PTPRR: variants seen among roughly 807,000 people sequenced by gnomAD.
PTPRR encodes the protein receptor-type tyrosine-protein phosphatase R.
In PTPRR, 38 loss-of-function variants were observed where a neutral mutation model predicts 77.2. The observed-to-expected ratio is 0.49, with a 90% confidence interval of 0.38 to 0.65. The LOEUF is 0.65. PTPRR is among the 30% of genes least tolerant of loss of function. The pLI is 0.00. For synonymous variants in PTPRR, 299 were observed against 283.1 expected, an observed-to-expected ratio of 1.06 and a Z score of -0.57; for missense variants, 744 against 799.2, an observed-to-expected ratio of 0.93 and a Z score of 0.83.
chr12:70,711,181 C>T (rs1592695424), intron 6 of PTPRR, among the ~76,000 whole-genome samples: 1 of 152,120 alleles, frequency 6.6e-6, no homozygotes. Flanking sequence ...AAATGTGCTA[C>T]ATATACACCA....
chr12:70,747,451 CAT>C (rs1433510423), intron 5 of PTPRR, among the ~76,000 whole-genome samples: 1 of 152,112 alleles, frequency 6.6e-6, no homozygotes, highest in African/African-American at 2.4e-5. Flanking sequence ...ATATAATATG[CAT>C]ATGAGAACAT....
intron 10 of PTPRR, among the ~76,000 whole-genome samples, chr12:70,670,265 G>T (rs1168400377): frequency 1.3e-5 from 2 of 152,142 alleles, no homozygotes; most frequent in Non-Finnish European, 2.9e-5. Context: ...GGGTCTTATT[G>T]CTCTTTGGGA....
chr12:70,796,012 C>T (rs932702377), intron 2 of PTPRR, among the ~76,000 whole-genome samples: 1 of 133,230 alleles, frequency 7.5e-6, no homozygotes, highest in Non-Finnish European at 1.5e-5. Flanking sequence ...CAACTTCTGC[C>T]TCCAGGGTTC....
chr12:70,885,080 A>G (rs1893216058), intron 2 of PTPRR, among the ~76,000 whole-genome samples: 1 of 152,044 alleles, frequency 6.6e-6, no homozygotes, highest in Admixed American at 6.6e-5. Flanking sequence ...TGAAACGTAC[A>G]TAATTTGCCC....
chr12:70,813,157 A>G (rs1338534533), intron 2 of PTPRR, among the ~76,000 whole-genome samples: 1 of 152,206 alleles, frequency 6.6e-6, no homozygotes, highest in Non-Finnish European at 1.5e-5. Context: ...CTTTTTGCCC[A>G]AGCACATACA....
intron 2 of PTPRR, among the ~76,000 whole-genome samples, chr12:70,830,831 G>C (rs558466167): frequency 8.6e-4 from 131 of 152,248 alleles, no homozygotes; most frequent in African/African-American, 3.1e-3. Flanking sequence ...TGAAATTGTT[G>C]AATCAAAGCA....
intron 12 of PTPRR, among the ~76,000 whole-genome samples, chr12:70,657,665 A>T (rs1886635406): frequency 2.6e-5 from 4 of 152,214 alleles, no homozygotes; most frequent in Admixed American, 2.6e-4. Flanking sequence ...CAATGTATCT[A>T]AATTCAATGT....
intron 5 of PTPRR, among the ~76,000 whole-genome samples, chr12:70,752,284 T>C (rs935225801): frequency 8.5e-5 from 13 of 152,180 alleles, no homozygotes; most frequent in African/African-American, 2.9e-4. Flanking sequence ...GCTAACCCAA[T>C]AGAGAGCAAT....
chr12:70,727,956 C>T (rs1350813647), intron 6 of PTPRR, among the ~76,000 whole-genome samples: 3 of 152,100 alleles, frequency 2.0e-5, no homozygotes, highest in Non-Finnish European at 4.4e-5. Context: ...GTCTAATAAT[C>T]AAAACAAGTG....
At position 70,788,668 on chromosome 12, in the gene PTPRR, A is replaced by G. The variant is rs76922591; in HGVS notation, c.358-23890T>C. The G allele has an allele frequency of 3.3e-3, 2,203 of 659,034 alleles. 34 individuals are homozygous for G. The highest frequency in any genetic ancestry group is 0.028 in the East Asian group (978 of 34,834). 40.8% of individuals were successfully genotyped at this position (659,034 alleles called of 1,614,324 possible). Reference sequence around the variant, plus strand: ...TTAATTTCAGACTTTTAGGCTAAAGATATTTCCCTAGATATCACATAAGTT... The same window carrying G: ...TTAATTTCAGACTTTTAGGCTAAAGGTATTTCCCTAGATATCACATAAGTT... On this transcript the variant is annotated intron_variant, in intron 2 of 13. Coordinates refer to ENST00000283228, the MANE Select transcript of PTPRR (RefSeq NM_002849.4).
chr12:70,663,400 GTTTC>G (rs1352520165), intron 10 of PTPRR, among the ~76,000 whole-genome samples: 2 of 152,136 alleles, frequency 1.3e-5, no homozygotes, highest in East Asian at 3.9e-4. Context: ...TTTGGTTATA[GTTTC>G]TTTATTATTG....
intron 1 of PTPRR, among the ~76,000 whole-genome samples, chr12:70,915,569 G>A (rs1287557400): frequency 6.6e-6 from 1 of 152,232 alleles, no homozygotes; most frequent in Non-Finnish European, 1.5e-5. Flanking sequence ...TCACTGAGAA[G>A]TGAAAATGTA....
chr12:70,816,404 A>G (rs1891903355), intron 2 of PTPRR, among the ~76,000 whole-genome samples: 1 of 152,136 alleles, frequency 6.6e-6, no homozygotes, highest in Non-Finnish European at 1.5e-5. Context: ...AACATAAAAT[A>G]GTTCAGCCTT....
chr12:70,666,329 T>C (rs1227600787), intron 10 of PTPRR, among the ~76,000 whole-genome samples: 1 of 152,206 alleles, frequency 6.6e-6, no homozygotes, highest in Non-Finnish European at 1.5e-5. Flanking sequence ...CTGTCAAATA[T>C]GTTGAGGCAC....
intron 6 of PTPRR, among the ~76,000 whole-genome samples, chr12:70,731,095 A>G (rs1341680935): frequency 2.9e-4 from 42 of 143,796 alleles, no homozygotes; most frequent in African/African-American, 9.6e-4. Flanking sequence ...AGGAAGGAGG[A>G]AGGAGAGAGA....
At position 70,638,948 on chromosome 12, in the gene PTPRR, C is replaced by G. The variant is rs951958082; in HGVS notation, c.*236G>C. The G allele has an allele frequency of 6.7e-5, 35 of 526,130 alleles. No individual in the cohort carries two copies. The Middle Eastern group carries it at 1.5e-3, about 23-fold the overall frequency. 32.6% of individuals were successfully genotyped at this position (526,130 alleles called of 1,614,324 possible). On this transcript the variant is annotated 3_prime_UTR_variant, in exon 14 of 14. Transcript: ENST00000283228. ...GCCTTAGGCTGTGTGATAAACCTAT[C>G]ATACCTCCATCATCAAAAAACCTTC... is the stretch of plus-strand genomic sequence containing the variant.
intron 2 of PTPRR, among the ~76,000 whole-genome samples, chr12:70,880,795 T>C (rs1305094933): frequency 1.3e-5 from 2 of 152,198 alleles, no homozygotes; most frequent in Admixed American, 6.5e-5. Flanking sequence ...CTTACAGATA[T>C]TACTTACAGA....
At chr12:70,818,229 C>T (rs1891940229) in intron 2 of PTPRR, among the ~76,000 whole-genome samples, 1 of 144,378 alleles carries the variant, frequency 6.9e-6, no homozygotes, top group South Asian at 2.2e-4. Flanking sequence ...AAGTGAAACT[C>T]CGTCTCAAAA....
At chr12:70,782,928 G>C (rs1891235477) in intron 2 of PTPRR, among the ~76,000 whole-genome samples, 1 of 152,214 alleles carries the variant, frequency 6.6e-6, no homozygotes, top group African/African-American at 2.4e-5. Flanking sequence ...CCTGGGTTGA[G>C]TGGCCTTGGT....
Sources: gnomAD v4.1 joint callset for allele counts (sites outside exome capture counted in the v4.1 genomes callset) on GRCh38, gnomAD v4.1.1 for gene constraint, MANE v1.5 for transcripts, NCBI Gene and HGNC (gene_info 2026-07-23, HGNC 2026-07-21) for gene names.